CSNK2A2IP: variants seen among roughly 807,000 people sequenced by gnomAD.
The protein encoded by CSNK2A2IP is casein kinase 2 subunit alpha' interacting protein, also known as casein kinase II subunit alpha'-interacting protein.
the CSNK2A2IP span, among the ~76,000 whole-genome samples, chr3:88,428,520 C>A: frequency 6.6e-6 from 1 of 152,098 alleles, no homozygotes; most frequent in Admixed American, 6.5e-5. Context: ...TTCCCATAAT[C>A]CCCACATGTT....
chr3:88,427,874 C>T, the CSNK2A2IP span, among the ~76,000 whole-genome samples: 1 of 152,164 alleles, frequency 6.6e-6, no homozygotes, highest in Non-Finnish European at 1.5e-5. Context: ...TCAGAACCTC[C>T]ACACAGAGTA....
chr3:88,369,102 T>A, the CSNK2A2IP span, among the ~76,000 whole-genome samples: 1 of 151,980 alleles, frequency 6.6e-6, no homozygotes, highest in Non-Finnish European at 1.5e-5. Flanking sequence ...ATAAAATTTA[T>A]TTTTGGAGGG....
At chr3:88,369,253 G>C in the CSNK2A2IP span, among the ~76,000 whole-genome samples, 4 of 151,906 alleles carry the variant, frequency 2.6e-5, no homozygotes, top group Non-Finnish European at 5.9e-5. Context: ...GAACGGCCTT[G>C]TAGGATATTG....
At chr3:88,433,406 T>C in the CSNK2A2IP span, among the ~76,000 whole-genome samples, 1 of 152,160 alleles carries the variant, frequency 6.6e-6, no homozygotes, top group African/African-American at 2.4e-5. Context: ...TAACCTGAGA[T>C]AGTTTTGATT....
the CSNK2A2IP span, among the ~76,000 whole-genome samples, chr3:88,412,349 G>A: frequency 6.6e-6 from 1 of 151,890 alleles, no homozygotes; most frequent in Non-Finnish European, 1.5e-5. Flanking sequence ...TAAATTCTCT[G>A]CAGTGGATAG....
At chr3:88,456,315 C>A in the CSNK2A2IP span, among the ~76,000 whole-genome samples, 1 of 152,020 alleles carries the variant, frequency 6.6e-6, no homozygotes, top group Non-Finnish European at 1.5e-5. Context: ...TTCCTTCTTT[C>A]AATCCATGAA....
the CSNK2A2IP span, among the ~76,000 whole-genome samples, chr3:88,387,951 T>C: frequency 6.6e-6 from 1 of 152,126 alleles, no homozygotes; most frequent in Non-Finnish European, 1.5e-5. Flanking sequence ...GATTTCTAAC[T>C]CTTGGCCTCA....
the CSNK2A2IP span, among the ~76,000 whole-genome samples, chr3:88,396,312 A>G: frequency 6.6e-6 from 1 of 151,666 alleles, no homozygotes; most frequent in Non-Finnish European, 1.5e-5. Context: ...TCACCGTGTT[A>G]GCCAGGATGG....
the CSNK2A2IP span, among the ~76,000 whole-genome samples, chr3:88,413,872 A>G: frequency 1.3e-5 from 2 of 152,026 alleles, no homozygotes; most frequent in African/African-American, 4.8e-5. Context: ...TGGTTAATCA[A>G]ACCAGTTTGT....
At chr3:88,428,729 G>A in the CSNK2A2IP span, among the ~76,000 whole-genome samples, 12,552 of 152,094 alleles carry the variant, frequency 0.083, 917 homozygotes, top group Admixed American at 0.24. Context: ...ATATGCAACT[G>A]TTTAGTAGCT....
At chr3:88,423,509 G>C in the CSNK2A2IP span, among the ~76,000 whole-genome samples, 1 of 152,122 alleles carries the variant, frequency 6.6e-6, no homozygotes, top group African/African-American at 2.4e-5. Flanking sequence ...GTCTGGGAGA[G>C]AGGAGTAGAT....
chr3:88,443,286 C>T, the CSNK2A2IP span, among the ~76,000 whole-genome samples: 1 of 151,992 alleles, frequency 6.6e-6, no homozygotes, highest in Admixed American at 6.6e-5. Flanking sequence ...TGGATTTTAC[C>T]TCAAGTACTT....
At chr3:88,362,962 C>G in the CSNK2A2IP span, among the ~76,000 whole-genome samples, 11 of 152,156 alleles carry the variant, frequency 7.2e-5, no homozygotes. Context: ...GTTTTTCCCT[C>G]TGGCCCAAGG....
chr3:88,439,588 A>G, the CSNK2A2IP span, among the ~76,000 whole-genome samples: 1 of 151,874 alleles, frequency 6.6e-6, no homozygotes, highest in Non-Finnish European at 1.5e-5. Flanking sequence ...CTAAAAATAC[A>G]AAAATTATCT....
the CSNK2A2IP span, among the ~76,000 whole-genome samples, chr3:88,383,651 CTTTTTTTTTTTTTT>C: frequency 4.5e-3 from 398 of 88,586 alleles, 3 homozygotes; most frequent in African/African-American, 0.018. Flanking sequence ...TCTTTTCTTT[CTTTTTTTTTTTTTT>C]TTTTTTTTTG....
the CSNK2A2IP span, among the ~76,000 whole-genome samples, chr3:88,408,800 C>T: frequency 2.0e-5 from 3 of 151,914 alleles, no homozygotes; most frequent in Non-Finnish European, 2.9e-5. Flanking sequence ...GATTTGAGTA[C>T]CTAACAAGTT....
chr3:88,364,266 A>T, the CSNK2A2IP span, among the ~76,000 whole-genome samples: 1 of 151,494 alleles, frequency 6.6e-6, no homozygotes, highest in Non-Finnish European at 1.5e-5. Flanking sequence ...ATCATTTTAT[A>T]TGTTTTGTCT....
chr3:88,351,082 C>T, the CSNK2A2IP span, among the ~76,000 whole-genome samples: 69,138 of 151,870 alleles, frequency 0.46, 16,570 homozygotes, highest in South Asian at 0.62. Flanking sequence ...GAATTAGAAA[C>T]GAGGCAAGGA....
At chr3:88,352,214 CATCTATCTACCTATCT>C in the CSNK2A2IP span, among the ~76,000 whole-genome samples, 1 of 151,400 alleles carries the variant, frequency 6.6e-6, no homozygotes, top group Non-Finnish European at 1.5e-5. Context: ...CTCTCTCTCT[CATCTATCTACCTATCT>C]ATCTATCTAT....
Sources: gnomAD v4.1 joint callset for allele counts (sites outside exome capture counted in the v4.1 genomes callset) on GRCh38, gnomAD v4.1.1 for gene constraint, MANE v1.5 for transcripts, NCBI Gene and HGNC (gene_info 2026-07-23, HGNC 2026-07-21) for gene names.